The following TRPM3 variants were observed in gnomAD, a reference collection of about 807,000 sequenced individuals.
TRPM3 encodes the protein long transient receptor potential channel 3.
In TRPM3, 77 loss-of-function variants were observed where a neutral mutation model predicts 181.2. The observed-to-expected ratio is 0.42, with a 90% CI of 0.35 to 0.51. The LOEUF is 0.51. Ranked by LOEUF, TRPM3 falls within the 20% of genes least tolerant of loss-of-function variation. The probability of loss-of-function intolerance (pLI) is 0.01; values close to 1 mark genes in which losing one functional copy is unlikely to be tolerated. For missense variants in TRPM3, 1,759 were observed against 2,196.7 expected, an observed-to-expected ratio of 0.80 and a Z score of 3.98; for synonymous variants, 745 against 796.4, an observed-to-expected ratio of 0.94 and a Z score of 1.09.
chr9:70,945,102 G>T (rs1023141836), intron 1 of TRPM3, among the ~76,000 whole-genome samples: 9 of 152,280 alleles, frequency 5.9e-5, no homozygotes, highest in African/African-American at 2.2e-4. Context: ...GGTTTTCAAA[G>T]CTCCCCAGGT....
At chr9:70,896,613 G>C (rs557625844) in intron 1 of TRPM3, among the ~76,000 whole-genome samples, 120 of 152,252 alleles carry the variant, frequency 7.9e-4, no homozygotes, top group African/African-American at 2.8e-3. Flanking sequence ...TAGAGACAAT[G>C]AGCACTTTCA....
At chr9:71,405,721 T>C (rs1436011734) in intron 1 of TRPM3, among the ~76,000 whole-genome samples, 1 of 152,186 alleles carries the variant, frequency 6.6e-6, no homozygotes, top group Admixed American at 6.5e-5. Flanking sequence ...TCTCCTTTCG[T>C]GCTTATAAAA....
rs74320077 is a variant in TRPM3 at position 70,573,697 on chromosome 9, C to T, written c.3223+17334G>A. Among the ~76,000 whole-genome samples the T allele has an allele frequency of 3.8e-3, 574 of 152,016 alleles. 3 individuals are homozygous for T. The highest frequency in any genetic ancestry group is 0.011 in the South Asian group (53 of 4,802). ...AAAAGGTAAAGTTTTCAAAAAAAAA[C>T]CCTTGAATTTCCAAGGTAAAGTTTC... On this transcript the variant is annotated intron_variant, in intron 22 of 25. Coordinates refer to ENST00000677713, the MANE Select transcript of TRPM3 (RefSeq NM_001366145.2).
chr9:70,660,211 A>G (rs2060929034), intron 9 of TRPM3, among the ~76,000 whole-genome samples: 1 of 152,130 alleles, frequency 6.6e-6, no homozygotes, highest in African/African-American at 2.4e-5. Flanking sequence ...GGGGCCTCCA[A>G]ATCACTGAGC....
chr9:71,421,974 C>T (rs1399866069), intron 1 of TRPM3, among the ~76,000 whole-genome samples: 3 of 151,962 alleles, frequency 2.0e-5, no homozygotes, highest in Non-Finnish European at 4.4e-5. Context: ...TGTATTGTCA[C>T]TTCTCAAAAA....
chr9:71,298,065 C>A (rs945054829), intron 1 of TRPM3, among the ~76,000 whole-genome samples: 5 of 151,618 alleles, frequency 3.3e-5, no homozygotes, highest in African/African-American at 9.7e-5. Context: ...GGTGAGTAGT[C>A]CACAGCATGC....
intron 1 of TRPM3, among the ~76,000 whole-genome samples, chr9:71,059,877 C>A (rs2061108456): frequency 6.6e-6 from 1 of 151,998 alleles, no homozygotes; most frequent in South Asian, 2.1e-4. Flanking sequence ...TTCTGTATTT[C>A]TGAAGAAACC....
intron 1 of TRPM3, among the ~76,000 whole-genome samples, chr9:71,198,654 C>T (rs990716102): frequency 4.0e-5 from 6 of 151,448 alleles, no homozygotes; most frequent in African/African-American, 1.2e-4. Context: ...GGAGTTCACT[C>T]ATGATTTGGC....
chr9:71,231,733 T>G (rs751259623), intron 1 of TRPM3, among the ~76,000 whole-genome samples: 1 of 152,144 alleles, frequency 6.6e-6, no homozygotes, highest in Non-Finnish European at 1.5e-5. Flanking sequence ...AAACACTGGG[T>G]CAACACGGAC....
At chr9:71,240,243 T>C (rs2081586484) in intron 1 of TRPM3, among the ~76,000 whole-genome samples, 1 of 152,204 alleles carries the variant, frequency 6.6e-6, no homozygotes, top group Admixed American at 6.5e-5. Flanking sequence ...CAATTTTTTA[T>C]TTTAACATTG....
At chr9:70,892,155 T>C (rs1186967820) in intron 1 of TRPM3, among the ~76,000 whole-genome samples, 2 of 152,200 alleles carry the variant, frequency 1.3e-5, no homozygotes, top group Non-Finnish European at 2.9e-5. Flanking sequence ...TATTTTAACA[T>C]TTTGTGCCTT....
intron 1 of TRPM3, among the ~76,000 whole-genome samples, chr9:70,996,406 C>T (rs1445308566): frequency 1.3e-5 from 2 of 152,162 alleles, no homozygotes; most frequent in African/African-American, 2.4e-5. Flanking sequence ...TGTCACTATG[C>T]CCATCTCTGT....
At chr9:70,769,605 A>G (rs576328196) in intron 7 of TRPM3, among the ~76,000 whole-genome samples, 19 of 152,228 alleles carry the variant, frequency 1.2e-4, no homozygotes, top group African/African-American at 4.1e-4. Context: ...AGTGTATCCC[A>G]TGTTATTTGT....
intron 1 of TRPM3, among the ~76,000 whole-genome samples, chr9:71,249,190 C>A (rs1430643994): frequency 6.6e-6 from 1 of 152,028 alleles, no homozygotes; most frequent in African/African-American, 2.4e-5. Context: ...AAATGCCAAC[C>A]AAGGCTTCTC....
At chr9:71,365,169 C>T (rs906889666) in intron 1 of TRPM3, among the ~76,000 whole-genome samples, 1 of 152,092 alleles carries the variant, frequency 6.6e-6, no homozygotes, top group African/African-American at 2.4e-5. Context: ...ATTCTGTGAC[C>T]CCTGGCTACC....
intron 3 of TRPM3, among the ~76,000 whole-genome samples, chr9:70,858,529 G>T (rs1199918137): frequency 6.6e-6 from 1 of 152,104 alleles, no homozygotes; most frequent in African/African-American, 2.4e-5. Flanking sequence ...TTTCAAAGTG[G>T]ACAAAATGCT....
chr9:71,080,898 T>C (rs1565151138), intron 1 of TRPM3, among the ~76,000 whole-genome samples: 1 of 152,174 alleles, frequency 6.6e-6, no homozygotes, highest in Non-Finnish European at 1.5e-5. Context: ...AGCATGAACG[T>C]CCTTAAGTCC....
chr9:71,241,879 C>T (rs892183711), intron 1 of TRPM3, among the ~76,000 whole-genome samples: 10 of 152,274 alleles, frequency 6.6e-5, no homozygotes, highest in East Asian at 1.9e-4. Context: ...ATTAATATCC[C>T]TTCTAATTAT....
chr9:71,279,045 AAAAATAAAAATAAAAAT>A (rs2084467646), intron 1 of TRPM3, among the ~76,000 whole-genome samples: 2 of 125,156 alleles, frequency 1.6e-5, no homozygotes, highest in Non-Finnish European at 3.2e-5. Context: ...TAAAAAAAAT[AAAAATAAAAATAAAAAT>A]AAAAAAACCA....
Sources: allele counts gnomAD v4.1 joint callset (sites outside exome capture counted in the v4.1 genomes callset), GRCh38; gene constraint gnomAD v4.1.1; transcripts MANE v1.5; gene names NCBI Gene and HGNC (gene_info 2026-07-23, HGNC 2026-07-21).